The following ZNF521 variants were observed in gnomAD, a reference collection of about 807,000 sequenced individuals.
ZNF521 encodes the protein LYST-interacting protein 3.
In ZNF521, 14 loss-of-function variants were observed where a neutral mutation model predicts 105.5. That is an observed-to-expected ratio of 0.13 (90% confidence interval 0.09 to 0.21). The LOEUF (loss-of-function observed/expected upper bound fraction) is 0.21. Among genes scored for constraint, ZNF521 ranks in the 10% least tolerant of loss-of-function variants. ZNF521 has a pLI of 1.00. For synonymous variants in ZNF521, 635 were observed against 606.0 expected, an observed-to-expected ratio of 1.05 and a Z score of -0.70; for missense variants, 1,233 against 1,629.7, an observed-to-expected ratio of 0.76 and a Z score of 4.19.
intron 3 of ZNF521, among the ~76,000 whole-genome samples, chr18:25,265,684 G>C (rs1462148652): frequency 2.0e-5 from 3 of 152,134 alleles, no homozygotes; most frequent in African/African-American, 7.2e-5. Context: ...ATCCCATTGC[G>C]GGGCATATAC....
At chr18:25,260,498 C>T (rs1273355189) in intron 3 of ZNF521, among the ~76,000 whole-genome samples, 1 of 152,090 alleles carries the variant, frequency 6.6e-6, no homozygotes, top group Non-Finnish European at 1.5e-5. Flanking sequence ...TCAGCATCTT[C>T]ATCTGGAAAA....
intron 3 of ZNF521, among the ~76,000 whole-genome samples, chr18:25,307,978 G>A (rs949432078): frequency 2.0e-5 from 3 of 151,980 alleles, no homozygotes; most frequent in Non-Finnish European, 4.4e-5. Flanking sequence ...AAGGTGGGCG[G>A]ATCACCTGAG....
At chr18:25,336,042 C>A (rs1913861622) in intron 2 of ZNF521, among the ~76,000 whole-genome samples, 1 of 152,116 alleles carries the variant, frequency 6.6e-6, no homozygotes, top group Non-Finnish European at 1.5e-5. Context: ...AAAGAAGAAA[C>A]CAAGAGGAAA....
chr18:25,290,888 T>C (rs1271178884), intron 3 of ZNF521, among the ~76,000 whole-genome samples: 1 of 152,144 alleles, frequency 6.6e-6, no homozygotes, highest in Non-Finnish European at 1.5e-5. Context: ...AAAAGATGAA[T>C]AAATGAATTA....
intron 5 of ZNF521, among the ~76,000 whole-genome samples, chr18:25,174,719 T>C (rs536725769): frequency 2.4e-4 from 36 of 152,290 alleles, no homozygotes; most frequent in African/African-American, 8.4e-4. Flanking sequence ...AACTCTAAAA[T>C]TGCAGTCAAG....
At position 25,226,678 on chromosome 18, in the gene ZNF521, A is replaced by C; in HGVS notation, c.1240T>G (p.Leu414Val). ...TGCAGAACTGCAAGACTTGAAAATAATTGTTTGTTGCAGTAAATACAGCTG... is the reference window on the plus strand; with the variant it reads ...TGCAGAACTGCAAGACTTGAAAATACTTGTTTGTTGCAGTAAATACAGCTG... ...TYSCIYCNKQ[L>V]FSSLAVLQIH... Residue 414 changes from leucine (L) to valine (V), a missense_variant, in exon 4 of 8, where the codon TTA (leucine) becomes GTA (valine). Physicochemically the swap from Leu to Val is conservative, Grantham distance 32. Around this residue, in one of 6 missense-constraint regions of ZNF521, gnomAD observed 380 missense variants for 478.0 expected, o/e 0.80. Coordinates refer to ENST00000361524, the MANE Select transcript of ZNF521 (RefSeq NM_015461.3). This position sits in a 1 kb window ranked among gnomAD's most constrained non-coding sequence, Gnocchi z 4.1. 6.2e-7 allele frequency: 1 copy of C among 1,614,176 alleles called. No homozygotes were observed. Among genetic ancestry groups the C allele is most frequent in the Non-Finnish European group, 8.5e-7 (1 of 1,180,028 alleles).
chr18:25,274,012 A>G (rs1909868651), intron 3 of ZNF521, among the ~76,000 whole-genome samples: 1 of 152,194 alleles, frequency 6.6e-6, no homozygotes, highest in Non-Finnish European at 1.5e-5. Flanking sequence ...CAACTCAGGC[A>G]AGCTTAGAGG....
intron 5 of ZNF521, among the ~76,000 whole-genome samples, chr18:25,158,813 C>A (rs962124260): frequency 6.6e-6 from 1 of 151,642 alleles, no homozygotes; most frequent in African/African-American, 2.4e-5. Flanking sequence ...AAAAATTAGC[C>A]GGTGTGGTGG....
intron 5 of ZNF521, among the ~76,000 whole-genome samples, chr18:25,148,131 G>A (rs1020050237): frequency 6.6e-6 from 1 of 152,158 alleles, no homozygotes; most frequent in Admixed American, 6.6e-5. Flanking sequence ...TGGAGAAGGG[G>A]ACAGCTGGGT....
chr18:25,277,501 G>C (rs115876393), intron 3 of ZNF521, among the ~76,000 whole-genome samples: 1 of 152,164 alleles, frequency 6.6e-6, no homozygotes, highest in African/African-American at 2.4e-5. Flanking sequence ...AGAGAAACTC[G>C]GACCCTCAAC....
chr18:25,150,823 C>T (rs1454960787), intron 5 of ZNF521, among the ~76,000 whole-genome samples: 2 of 152,004 alleles, frequency 1.3e-5, no homozygotes, highest in East Asian at 3.8e-4. Context: ...TTATATTTCC[C>T]CCCATGTGGT....
intron 2 of ZNF521, among the ~76,000 whole-genome samples, chr18:25,347,856 T>C (rs968816812): frequency 3.9e-5 from 6 of 152,216 alleles, no homozygotes; most frequent in African/African-American, 7.2e-5. Context: ...TATATCAAAT[T>C]GACAGTCATG....
At chr18:25,179,347 G>A (rs763688660) in intron 5 of ZNF521, among the ~76,000 whole-genome samples, 7 of 150,912 alleles carry the variant, frequency 4.6e-5, no homozygotes, top group Admixed American at 2.6e-4. Context: ...ATGGGGTTTC[G>A]CTCTTATGCC....
chr18:25,277,892 G>A (rs1910135947), intron 3 of ZNF521, among the ~76,000 whole-genome samples: 1 of 152,068 alleles, frequency 6.6e-6, no homozygotes, highest in Non-Finnish European at 1.5e-5. Context: ...TTTCAAGGAT[G>A]CCACAATCTT....
At chr18:25,265,770 A>C (rs1909209362) in intron 3 of ZNF521, among the ~76,000 whole-genome samples, 1 of 152,206 alleles carries the variant, frequency 6.6e-6, no homozygotes, top group Non-Finnish European at 1.5e-5. Context: ...AATAGCTAAG[A>C]CTTGGAAGCA....
chr18:25,248,294 C>T (rs578027947), intron 3 of ZNF521, among the ~76,000 whole-genome samples: 13 of 152,278 alleles, frequency 8.5e-5, no homozygotes, highest in Admixed American at 2.0e-4. Flanking sequence ...TGAAATACAA[C>T]GTTATACACC....
At chr18:25,140,713 T>G (rs1051162103) in intron 5 of ZNF521, among the ~76,000 whole-genome samples, 1 of 152,152 alleles carries the variant, frequency 6.6e-6, no homozygotes, top group Non-Finnish European at 1.5e-5. Context: ...CTTTAAGATA[T>G]AGCTCCCAAC....
At chr18:25,141,805 A>C (rs1240033864) in intron 5 of ZNF521, among the ~76,000 whole-genome samples, 1 of 152,132 alleles carries the variant, frequency 6.6e-6, no homozygotes, top group East Asian at 1.9e-4. Context: ...ATGAGTATAA[A>C]CAAAATAAGC....
At chr18:25,208,017 T>C (rs2036113035) in intron 4 of ZNF521, among the ~76,000 whole-genome samples, 2 of 152,098 alleles carry the variant, frequency 1.3e-5, no homozygotes, top group South Asian at 2.1e-4. Flanking sequence ...ATTTGACATC[T>C]TGCAAGGAAA....
Sources: gnomAD v4.1 joint callset for allele counts (sites outside exome capture counted in the v4.1 genomes callset) on GRCh38, gnomAD v4.1.1 for gene constraint, gnomAD v4.1.1 regional missense constraint, Gnocchi (gnomAD v3.1) non-coding constraint, MANE v1.5 for transcripts, NCBI Gene and HGNC (gene_info 2026-07-23, HGNC 2026-07-21) for gene names.